CDH22: variants seen among roughly 807,000 people sequenced by gnomAD.
The protein encoded by CDH22 is cadherin-22.
A neutral mutation model predicts 58.4 loss-of-function variants in CDH22; 30 were observed. The ratio of observed to expected loss-of-function variants is 0.51; its 90% confidence interval spans 0.38 to 0.70. CDH22 has a LOEUF of 0.70. Ranked by LOEUF, CDH22 falls within the 30% of genes least tolerant of loss-of-function variation. The pLI, the probability that CDH22 is intolerant of heterozygous loss-of-function variation, is 0.00. For synonymous variants in CDH22, 513 were observed against 558.2 expected (o/e 0.92, Z 1.14); for missense variants, 1,014 against 1,233.9 (o/e 0.82, Z 2.67).
chr20:46,280,148 G>A (rs559338077), intron 1 of CDH22, among the ~76,000 whole-genome samples: 3 of 152,254 alleles, frequency 2.0e-5, no homozygotes, highest in East Asian at 1.9e-4. Context: ...GCCCGGGTGC[G>A]GTAGCTCACA....
At chr20:46,223,829 C>G (rs60630812) in intron 4 of CDH22, among the ~76,000 whole-genome samples, 1 of 4,944 alleles carries the variant, frequency 2.0e-4, no homozygotes, top group Non-Finnish European at 6.8e-4. Flanking sequence ...TTCCTTCCTT[C>G]CTTCCTTCCT....
At chr20:46,213,215 G>C in intron 5 of CDH22, 27 bp from the exon 6 acceptor site, 2 of 1,603,626 alleles carry the variant, frequency 1.2e-6, no homozygotes, top group Non-Finnish European at 1.7e-6. Flanking sequence ...CATGAGCAGG[G>C]ATGAAGGCAG....
intron 5 of CDH22, among the ~76,000 whole-genome samples, chr20:46,215,031 C>G (rs996366080): frequency 1.3e-5 from 2 of 152,206 alleles, no homozygotes. Flanking sequence ...AATCAAAGAA[C>G]GTGACAGTAC....
rs1600699377 is a variant in CDH22 at position 46,212,914 on chromosome 20, G to C, written c.1032+81C>G. The stretch of plus-strand genomic sequence containing the variant: ...TAATCCATTGAGTGGAGTGAGGTGG[G>C]GGTATTCGGCTGCCCAGAGGCCTCC... On this transcript the variant is annotated intron_variant, in intron 6 of 11. Transcript: ENST00000537909. 3.5e-6 allele frequency: 4 copies of C among 1,132,374 alleles called. No individual in the cohort carries two copies. The East Asian group carries it at 9.4e-5, about 27-fold the overall frequency. The allele number at this position is 1,132,374 out of a possible 1,614,324, so 70.1% of individuals were successfully genotyped here. A position where few individuals can be genotyped will look rare whatever the true frequency, so the allele number is the denominator to read the frequency against.
intron 1 of CDH22, among the ~76,000 whole-genome samples, chr20:46,291,363 G>A (rs560111878): frequency 1.4e-4 from 21 of 152,244 alleles, no homozygotes; most frequent in South Asian, 4.2e-4. Context: ...ACTCTGTGTC[G>A]CTCTAAATGC....
intron 10 of CDH22, among the ~76,000 whole-genome samples, chr20:46,178,413 T>C (rs1487287451): frequency 6.6e-6 from 1 of 151,962 alleles, no homozygotes; most frequent in Non-Finnish European, 1.5e-5. Flanking sequence ...TCCCCCAAAG[T>C]CTACCCTCAG....
At chr20:46,288,436 C>A (rs990115470) in intron 1 of CDH22, among the ~76,000 whole-genome samples, 7 of 152,276 alleles carry the variant, frequency 4.6e-5, no homozygotes, top group Admixed American at 3.9e-4. Flanking sequence ...CCACATGTAA[C>A]CCCGCAGCTT....
intron 4 of CDH22, chr20:46,220,453 G>C (rs1335607555): frequency 6.5e-6 from 1 of 153,136 alleles, no homozygotes; most frequent in Non-Finnish European, 1.5e-5. Flanking sequence ...AGGCCAGGGA[G>C]CAGGGGATCC....
intron 2 of CDH22, among the ~76,000 whole-genome samples, chr20:46,244,361 C>T (rs867742998): frequency 9.9e-5 from 15 of 152,168 alleles, no homozygotes; most frequent in African/African-American, 1.7e-4. Flanking sequence ...CTGGGAGTTA[C>T]GAATTCAGGC....
intron 1 of CDH22, among the ~76,000 whole-genome samples, chr20:46,280,595 G>A (rs1227224062): frequency 6.6e-6 from 1 of 152,160 alleles, no homozygotes; most frequent in Non-Finnish European, 1.5e-5. Context: ...ATGGTCTGGG[G>A]GCTGCCTTCT....
Position 46,294,928 on chromosome 20 carries a change from G to A in CDH22, c.-400+13327C>T, listed in dbSNP as rs2086621982. 1.3e-5 allele frequency among the ~76,000 whole-genome samples: 2 copies of A among 152,242 alleles called. 1 individual carries two copies. Among genetic ancestry groups the A allele is most frequent in the Admixed American group, 1.3e-4 (2 of 15,290 alleles). On this transcript the variant is annotated intron_variant, in intron 1 of 11. Transcript: ENST00000537909. ...CACCCGGCAGACAGTAACAGGGCTT[G>A]TTCCAGAGCTGCCTGTGGCTGAGGA...
chr20:46,203,075 G>T (rs1015691198), intron 7 of CDH22, among the ~76,000 whole-genome samples: 1 of 151,802 alleles, frequency 6.6e-6, no homozygotes, highest in Admixed American at 6.6e-5. Flanking sequence ...TTTCTCTTTT[G>T]TTCTTTCCTC....
intron 1 of CDH22, among the ~76,000 whole-genome samples, chr20:46,294,595 G>T (rs1259214167): frequency 6.6e-6 from 1 of 152,172 alleles, no homozygotes; most frequent in Non-Finnish European, 1.5e-5. Flanking sequence ...GGCTGCTATG[G>T]CAACCAGGGA....
chr20:46,290,722 G>A lies in CDH22; in HGVS notation c.-400+17533C>T, dbSNP rs568456571. 2.0e-5 allele frequency among the ~76,000 whole-genome samples: 3 copies of A among 152,274 alleles called. No individual in the cohort carries two copies. The East Asian group carries it at 5.8e-4, about 29-fold the overall frequency. ...GGTGGAGATGGGGAGGGAGAAGGAG[G>A]AGAGGGCCAGCCCAATGTGTCAGGG... is the stretch of plus-strand genomic sequence containing the variant. On this transcript the variant is annotated intron_variant, in intron 1 of 11. Coordinates refer to ENST00000537909, the MANE Select transcript of CDH22 (RefSeq NM_021248.3).
intron 1 of CDH22, among the ~76,000 whole-genome samples, chr20:46,273,111 G>T (rs918675182): frequency 2.0e-5 from 3 of 151,996 alleles, no homozygotes; most frequent in African/African-American, 7.3e-5. Flanking sequence ...AGTTTATTTT[G>T]GTGAGAATCT....
chr20:46,299,166 C>T (rs1181535786), intron 1 of CDH22, among the ~76,000 whole-genome samples: 2 of 152,216 alleles, frequency 1.3e-5, no homozygotes, highest in Non-Finnish European at 2.9e-5. Flanking sequence ...CTCTGTCTTT[C>T]CTCCCCTCCA....
intron 1 of CDH22, among the ~76,000 whole-genome samples, chr20:46,276,656 T>C (rs935828419): frequency 6.6e-6 from 1 of 152,144 alleles, no homozygotes; most frequent in Non-Finnish European, 1.5e-5. Context: ...TCCACAAACA[T>C]AAGTGGTGTA....
intron 10 of CDH22, among the ~76,000 whole-genome samples, chr20:46,183,951 A>C (rs2145651429): frequency 6.6e-6 from 1 of 152,180 alleles, no homozygotes; most frequent in African/African-American, 2.4e-5. Flanking sequence ...TGCTCACCAC[A>C]GGGCCTTTGC....
intron 4 of CDH22, among the ~76,000 whole-genome samples, chr20:46,220,173 A>C (rs1261207493): frequency 6.6e-6 from 1 of 151,892 alleles, no homozygotes; most frequent in East Asian, 1.9e-4. Context: ...TGAAAGGGAC[A>C]GAAAAACAGA....
Sources: gnomAD v4.1 joint callset for allele counts (sites outside exome capture counted in the v4.1 genomes callset) on GRCh38, gnomAD v4.1.1 for gene constraint, MANE v1.5 for transcripts, NCBI Gene and HGNC (gene_info 2026-07-23, HGNC 2026-07-21) for gene names.